Variants in CELSR1 observed in about 807,000 individuals in gnomAD.
CELSR1 encodes adhesion G protein-coupled receptor C1.
Under a neutral mutation model 249.1 loss-of-function variants are expected in CELSR1, and 110 were observed. The ratio of observed to expected loss-of-function variants is 0.44; its 90% CI spans 0.38 to 0.52. The LOEUF is 0.52. Ranked by LOEUF, CELSR1 falls within the 20% of genes least tolerant of loss-of-function variation. The pLI, the probability that CELSR1 is intolerant of heterozygous loss-of-function variation, is 0.00. For missense variants in CELSR1, 4,109 were observed against 4,296.4 expected, an observed-to-expected ratio of 0.96 and a Z score of 1.22; for synonymous variants, 2,113 against 1,900.0, an observed-to-expected ratio of 1.11 and a Z score of -2.92.
intron 24 of CELSR1, among the ~76,000 whole-genome samples, chr22:46,373,658 T>C (rs866950417): frequency 2.1e-5 from 1 of 48,014 alleles, no homozygotes; most frequent in African/African-American, 8.5e-5. Flanking sequence ...AATGGGGAGA[T>C]GGGGGAGAAG....
intron 1 of CELSR1, among the ~76,000 whole-genome samples, chr22:46,531,788 G>A (rs1602248438): frequency 6.6e-6 from 1 of 152,174 alleles, no homozygotes; most frequent in African/African-American, 2.4e-5. Flanking sequence ...AAAGAGTAAA[G>A]AAAACCGCCT....
chr22:46,391,096 C>A lies in CELSR1; in HGVS notation c.6250+90G>T. 1 of 1,077,276 alleles carries A rather than the reference C, an allele frequency of 9.3e-7. No individual in the cohort carries two copies. Among genetic ancestry groups the A allele is most frequent in the Non-Finnish European group, 1.4e-6 (1 of 735,146 alleles). The allele number at this position is 1,077,276 out of a possible 1,614,324, so 66.7% of individuals were successfully genotyped here. A position where few individuals can be genotyped will look rare whatever the true frequency, so the allele number is the denominator to read the frequency against. On this transcript the variant is annotated intron_variant, in intron 16 of 34. Coordinates refer to ENST00000674500, the MANE Select transcript of CELSR1 (RefSeq NM_001378328.1). The surrounding 1 kb of genome is among the most constrained non-coding windows in gnomAD (Gnocchi z 4.3). ...TTTGCCTGCGGATATTTTTTCAACA[C>A]GAAACATTCCATGAGTCCCCACATC...
intron 29 of CELSR1, 52 bp from the exon 30 acceptor site, chr22:46,366,532 C>T: frequency 7.3e-7 from 1 of 1,373,832 alleles, no homozygotes; most frequent in Non-Finnish European, 1.0e-6. Flanking sequence ...ACCACATGAC[C>T]ACCACGGGGA....
In CELSR1 at chr22:46,409,759, C is replaced by A; in HGVS notation, c.5055G>T (p.Glu1685Asp). 1 of 1,613,302 alleles carries A rather than the reference C, an allele frequency of 6.2e-7. No homozygotes were observed. Residue 1685 changes from glutamate to aspartate, a missense_variant, in exon 8 of 35, where the codon GAG becomes GAT. By Grantham distance (45) the Glu-to-Asp change is conservative. Coordinates refer to ENST00000674500, the MANE Select transcript of CELSR1 (RefSeq NM_001378328.1). This position sits in a 1 kb window ranked among gnomAD's most constrained non-coding sequence, Gnocchi z 9.8. ...TGGACGACGCCGGCCACTCACCTTG[C>A]TCACAGTTCTTCCCGCCGAATCGGA... ...CPLRFGGKNC[E>D]QAMPHPQLFS...
At position 46,461,828 on chromosome 22, in the gene CELSR1, C is replaced by T. The variant is rs150571500; in HGVS notation, c.4183+1879G>A. On this transcript the variant is annotated intron_variant, in intron 2 of 34. Coordinates refer to ENST00000674500, the MANE Select transcript of CELSR1 (RefSeq NM_001378328.1). Reference sequence around the variant, plus strand: ...GCAGGGAAGTCGACGAAGCGCCCCCCACCCAGGCCACATGGCAGGCACTGG... The same window carrying T: ...GCAGGGAAGTCGACGAAGCGCCCCCTACCCAGGCCACATGGCAGGCACTGG... Among the ~76,000 whole-genome samples, 105 of 152,376 alleles carry T rather than the reference C, an allele frequency of 6.9e-4. 1 individual carries two copies. Among genetic ancestry groups the T allele is most frequent in the Non-Finnish European group, 1.2e-3 (81 of 68,038 alleles).
At chr22:46,469,774 A>G (rs888259503) in intron 1 of CELSR1, among the ~76,000 whole-genome samples, 5 of 150,674 alleles carry the variant, frequency 3.3e-5, no homozygotes, top group African/African-American at 1.2e-4. Flanking sequence ...TTGGCCTCCC[A>G]AAGTACTGAG....
At position 46,427,819 on chromosome 22, in the gene CELSR1, C is replaced by T. The variant is rs2079552700; in HGVS notation, c.4611+5574G>A. Among the ~76,000 whole-genome samples the T allele has an allele frequency of 6.6e-6, 1 of 152,148 alleles. No homozygotes were observed. The highest frequency in any genetic ancestry group is 1.5e-5 in the Non-Finnish European group (1 of 68,028). On this transcript the variant is annotated intron_variant, in intron 5 of 34. Coordinates refer to ENST00000674500, the MANE Select transcript of CELSR1 (RefSeq NM_001378328.1). This position sits in a 1 kb window ranked among gnomAD's most constrained non-coding sequence, Gnocchi z 4.2. Reference sequence around the variant, plus strand: ...CTCACCCAGGGGACCACACAACTGTCTAACCACGGCAGATCTGTAGAGCCC... The same window carrying T: ...CTCACCCAGGGGACCACACAACTGTTTAACCACGGCAGATCTGTAGAGCCC...
intron 2 of CELSR1, among the ~76,000 whole-genome samples, chr22:46,463,337 G>A (rs1247330868): frequency 6.6e-6 from 1 of 152,096 alleles, no homozygotes; most frequent in African/African-American, 2.4e-5. Flanking sequence ...CCAACATGGC[G>A]AAACCCCATC....
rs34099713 is a variant in CELSR1, at chr22:46,468,385, C to CAAAA, written c.3545-4044_3545-4041dup. ...TGGGCAACAAAGCAAGACTCTGTCT[C>CAAAA]AAAAAAAAAAAAAAATGTGGTCCAT... On this transcript the variant is annotated intron_variant, in intron 1 of 34. Transcript: ENST00000674500. The surrounding 1 kb of genome is among the most constrained non-coding windows in gnomAD (Gnocchi z 4.5). Among the ~76,000 whole-genome samples, 1,878 of 141,742 alleles carry CAAAA rather than the reference C, an allele frequency of 0.013. 19 individuals are homozygous for CAAAA. Among genetic ancestry groups the CAAAA allele is most frequent in the Non-Finnish European group, 0.021 (1,351 of 65,120 alleles). The allele number at this position is 141,742 out of a possible 152,430, so 93.0% of individuals were successfully genotyped here. A position where few individuals can be genotyped will look rare whatever the true frequency, so the allele number is the denominator to read the frequency against.
At chr22:46,510,442 T>C (rs992085539) in intron 1 of CELSR1, among the ~76,000 whole-genome samples, 7 of 152,022 alleles carry the variant, frequency 4.6e-5, no homozygotes, top group African/African-American at 7.2e-5. Context: ...CAGGGCCCCA[T>C]TGTCCCTGGA....
rs375531875 is a variant in CELSR1, at chr22:46,456,743, C to G, written c.4183+6964G>C. ...TGACGTACACATTTTACAACAGAAT[C>G]GCAGAAGGGCTAGAATTTATTTTTA... On this transcript the variant is annotated intron_variant, in intron 2 of 34. Coordinates refer to ENST00000674500, the MANE Select transcript of CELSR1 (RefSeq NM_001378328.1). 1.3e-5 allele frequency among the ~76,000 whole-genome samples: 2 copies of G among 150,398 alleles called. 1 individual carries two copies. The highest frequency in any genetic ancestry group is 2.9e-5 in the Non-Finnish European group (2 of 67,820).
rs1409022352 is a variant in CELSR1 at position 46,533,833 on chromosome 22, G to T, written c.3338C>A (p.Thr1113Asn). 1.2e-6 allele frequency: 2 copies of T among 1,613,818 alleles called. No individual in the cohort carries two copies. The highest frequency in any genetic ancestry group is 2.7e-5 in the African/African-American group (2 of 74,948). ...GGTGGGGAAACTGTTGGACTTGTTG[G>T]TGACATAGTTGTTGAAGAGGATCTG... ...DFQILFNNYV[T>N]NKSNSFPTGV... Residue 1113 changes from threonine (T) to asparagine (N), a missense_variant, in exon 1 of 35, where the codon ACC (threonine) becomes AAC (asparagine). Coordinates refer to ENST00000674500, the MANE Select transcript of CELSR1 (RefSeq NM_001378328.1).
chr22:46,384,211 C>T (rs1207842520), intron 20 of CELSR1, among the ~76,000 whole-genome samples: 3 of 152,258 alleles, frequency 2.0e-5, no homozygotes, highest in African/African-American at 4.8e-5. Context: ...GCTGGGATTA[C>T]AGGCGTGAGC....
chr22:46,414,714 C>T (rs368934598), intron 5 of CELSR1, among the ~76,000 whole-genome samples: 30 of 152,344 alleles, frequency 2.0e-4, no homozygotes, highest in Non-Finnish European at 2.8e-4. Context: ...TGACCTGAGA[C>T]GCACAGACGG....
Position 46,431,814 on chromosome 22 carries a change from G to A in CELSR1, c.4611+1579C>T, listed in dbSNP as rs141907321. Among the ~76,000 whole-genome samples, 299 of 152,290 alleles carry A rather than the reference G, an allele frequency of 2.0e-3. 1 individual carries two copies. The highest frequency in any genetic ancestry group is 6.6e-3 in the African/African-American group (276 of 41,548). The stretch of plus-strand genomic sequence containing the variant: ...GGACAATGGCAGCAAATAAATCCGC[G>A]TCTGTGAGGGCTACCCTCTTCCTCT... On this transcript the variant is annotated intron_variant, in intron 5 of 34. Transcript: ENST00000674500.
At position 46,536,532 on chromosome 22, in the gene CELSR1, G is replaced by A. The variant is rs1393850371; in HGVS notation, c.639C>T (p.Ser213=). The change falls in exon 1 of 35, where the codon TCC becomes TCT. Residue 213 remains serine (S), a synonymous_variant. Coordinates refer to ENST00000674500, the MANE Select transcript of CELSR1 (RefSeq NM_001378328.1). The part of the protein sequence containing the change: ...ATAGTPSASP[S]PSPPLPPNLP... ...AGTTCGGCGGCAGGGGCGGCGATGGGGATGGCGACGCGGAGGGCGTCCCCG... is the reference window on the plus strand; with the variant it reads ...AGTTCGGCGGCAGGGGCGGCGATGGAGATGGCGACGCGGAGGGCGTCCCCG... 1.4e-6 allele frequency: 2 copies of A among 1,416,230 alleles called. No individual in the cohort carries two copies. The highest frequency in any genetic ancestry group is 1.8e-6 in the Non-Finnish European group (2 of 1,092,508). The allele number at this position is 1,416,230 out of a possible 1,614,324, so 87.7% of individuals were successfully genotyped here. A position where few individuals can be genotyped will look rare whatever the true frequency, so the allele number is the denominator to read the frequency against.
rs560211567 is a variant in CELSR1, at chr22:46,434,842, C to T, written c.4522+1332G>A. Among the ~76,000 whole-genome samples the T allele has an allele frequency of 5.3e-5, 8 of 152,134 alleles. No homozygotes were observed. The South Asian group carries it at 8.3e-4, about 16-fold the overall frequency. On this transcript the variant is annotated intron_variant, in intron 4 of 34. Coordinates refer to ENST00000674500, the MANE Select transcript of CELSR1 (RefSeq NM_001378328.1). This position sits in a 1 kb window ranked among gnomAD's most constrained non-coding sequence, Gnocchi z 4.9. ...TGAAACCCTGTCTCTACTAAAAATA[C>T]AAAAATTAGCCGGGCATGGTGAAAC...
intron 1 of CELSR1, among the ~76,000 whole-genome samples, chr22:46,496,539 G>C (rs946358164): frequency 6.6e-6 from 1 of 152,174 alleles, no homozygotes; most frequent in Non-Finnish European, 1.5e-5. Context: ...CTGCACTCCC[G>C]CCTGGGTAAC....
At chr22:46,459,445 T>C (rs1317938452) in intron 2 of CELSR1, among the ~76,000 whole-genome samples, 1 of 152,242 alleles carries the variant, frequency 6.6e-6, no homozygotes, top group Non-Finnish European at 1.5e-5. Context: ...TTTCACAAAA[T>C]GCTGTTAAAC....
Sources: gnomAD v4.1 joint callset for allele counts (sites outside exome capture counted in the v4.1 genomes callset) on GRCh38, gnomAD v4.1.1 for gene constraint, Gnocchi (gnomAD v3.1) non-coding constraint, MANE v1.5 for transcripts, NCBI Gene and HGNC (gene_info 2026-07-23, HGNC 2026-07-21) for gene names.